The following SYNPO2 variants were observed in gnomAD, a reference collection of about 807,000 sequenced individuals.
SYNPO2 encodes synaptopodin-2.
A neutral mutation model predicts 85.0 loss-of-function variants in SYNPO2; 56 were observed. That is an observed-to-expected ratio of 0.66 (90% confidence interval 0.53 to 0.82). The LOEUF (loss-of-function observed/expected upper bound fraction) is 0.82. Among genes scored for constraint, SYNPO2 ranks in the 40% least tolerant of loss-of-function variants. The pLI, the probability that SYNPO2 is intolerant of heterozygous loss-of-function variation, is 0.00. For missense variants in SYNPO2, 1,575 were observed against 1,534.2 expected (o/e 1.03, Z -0.44); for synonymous variants, 602 against 591.1 (o/e 1.02, Z -0.27).
intron 1 of SYNPO2, among the ~76,000 whole-genome samples, chr4:119,012,413 G>A (rs1737353387): frequency 7.7e-6 from 1 of 129,924 alleles, no homozygotes; most frequent in South Asian, 2.4e-4. Context: ...TAAGTTCTGG[G>A]ATACATGTGC....
At chr4:119,009,036 A>G (rs530014383) in intron 1 of SYNPO2, among the ~76,000 whole-genome samples, 34 of 152,346 alleles carry the variant, frequency 2.2e-4, no homozygotes, top group African/African-American at 7.9e-4. Flanking sequence ...AGCATGTTAA[A>G]TTTTGTGATC....
intron 1 of SYNPO2, among the ~76,000 whole-genome samples, chr4:118,907,931 G>C (rs554042268): frequency 5.3e-5 from 8 of 152,102 alleles, no homozygotes; most frequent in African/African-American, 1.4e-4. Flanking sequence ...CATCATGGAC[G>C]TCTTTCCATG....
chr4:118,984,353 T>C (rs751108256), intron 1 of SYNPO2, among the ~76,000 whole-genome samples: 13 of 152,238 alleles, frequency 8.5e-5, no homozygotes, highest in Non-Finnish European at 1.6e-4. Flanking sequence ...AGTTTAAACA[T>C]TAGATATTAT....
At chr4:118,870,262 C>T (rs915686093) in intron 1 of SYNPO2, among the ~76,000 whole-genome samples, 11 of 152,230 alleles carry the variant, frequency 7.2e-5, no homozygotes, top group African/African-American at 2.4e-4. Context: ...CTTCCAGAAA[C>T]TCTCAGCTGT....
At chr4:119,041,855 T>C (rs1018734865) in intron 4 of SYNPO2, among the ~76,000 whole-genome samples, 1 of 152,228 alleles carries the variant, frequency 6.6e-6, no homozygotes, top group Non-Finnish European at 1.5e-5. Context: ...TTAGAGATTC[T>C]GATTTACTAG....
chr4:119,002,375 C>T (rs924553568), intron 1 of SYNPO2, among the ~76,000 whole-genome samples: 10 of 152,186 alleles, frequency 6.6e-5, no homozygotes, highest in African/African-American at 2.4e-4. Flanking sequence ...ATTCTCCTGC[C>T]TCAGCCTCCC....
At chr4:118,881,796 G>C (rs1256851902) in intron 1 of SYNPO2, among the ~76,000 whole-genome samples, 1 of 152,152 alleles carries the variant, frequency 6.6e-6, no homozygotes. Context: ...TCCCTCTTTG[G>C]AATGCTACCG....
At chr4:118,924,979 C>T (rs779934689) in intron 1 of SYNPO2, among the ~76,000 whole-genome samples, 26 of 152,168 alleles carry the variant, frequency 1.7e-4, no homozygotes, top group Non-Finnish European at 3.2e-4. Context: ...TATCACATCA[C>T]CTCCATGGCT....
chr4:119,026,905 C>T lies in SYNPO2; in HGVS notation c.536C>T (p.Ala179Val). The T allele has an allele frequency of 6.2e-7, 1 of 1,614,150 alleles. No homozygotes were observed. The highest frequency in any genetic ancestry group is 8.5e-7 in the Non-Finnish European group (1 of 1,180,024). The part of the protein sequence containing the change: ...QMPDSQRGRV[A>V]EELILREKVE... The stretch of plus-strand genomic sequence containing the variant: ...CCTGACTCCCAAAGAGGACGCGTGG[C>T]AGAAGAGCTGATCTTAAGGGAGAAG... The change falls in exon 3 of 5, where the codon GCA becomes GTA. Residue 179 changes from alanine (A) to valine (V), a missense_variant. Transcript: ENST00000307142.
chr4:119,044,101 C>A (rs1209133378), intron 4 of SYNPO2, among the ~76,000 whole-genome samples: 1 of 152,058 alleles, frequency 6.6e-6, no homozygotes, highest in Non-Finnish European at 1.5e-5. Flanking sequence ...TGATTAATGA[C>A]AGACTACAAC....
chr4:118,882,786 T>TC (rs1732129195), intron 1 of SYNPO2, among the ~76,000 whole-genome samples: 1 of 152,080 alleles, frequency 6.6e-6, no homozygotes, highest in Non-Finnish European at 1.5e-5. Context: ...TTTTTTTTTT[T>TC]TGAGACGGAG....
intron 1 of SYNPO2, among the ~76,000 whole-genome samples, chr4:118,901,738 C>T (rs573001399): frequency 6.6e-6 from 1 of 152,178 alleles, no homozygotes; most frequent in South Asian, 2.1e-4. Flanking sequence ...GACGAGAAAC[C>T]CTCCACCCTG....
intron 1 of SYNPO2, among the ~76,000 whole-genome samples, chr4:118,869,529 T>C (rs1731763873): frequency 6.6e-6 from 1 of 152,204 alleles, no homozygotes. Flanking sequence ...ATTTCATGCA[T>C]ATTCACTGAA....
intron 4 of SYNPO2, among the ~76,000 whole-genome samples, chr4:119,054,336 T>C (rs567173005): frequency 2.0e-5 from 3 of 152,182 alleles, no homozygotes; most frequent in African/African-American, 7.2e-5. Flanking sequence ...CTGCCCTTCA[T>C]CCGTGAGGGC....
chr4:119,054,860 A>AGAATTTGTCTGCCTC (rs1046302776), intron 4 of SYNPO2, among the ~76,000 whole-genome samples: 2 of 152,310 alleles, frequency 1.3e-5, no homozygotes, highest in East Asian at 3.9e-4. Context: ...CTGTCTGCCT[A>AGAATTTGTCTGCCTC]GAATTTGTCT....
At chr4:118,939,909 G>A (rs1734242198) in intron 1 of SYNPO2, among the ~76,000 whole-genome samples, 1 of 151,440 alleles carries the variant, frequency 6.6e-6, no homozygotes, top group Non-Finnish European at 1.5e-5. Context: ...TGAATGTGCT[G>A]GCTTGGCACT....
intron 1 of SYNPO2, among the ~76,000 whole-genome samples, chr4:118,920,194 G>A (rs949004594): frequency 7.9e-5 from 12 of 152,102 alleles, no homozygotes; most frequent in African/African-American, 2.7e-4. Context: ...ATATTTGAGC[G>A]GAATTTAGAG....
intron 4 of SYNPO2, chr4:119,038,159 C>G (rs912178838): frequency 1.5e-5 from 15 of 985,168 alleles, no homozygotes; most frequent in South Asian, 9.4e-5. Context: ...CTCATCAGAC[C>G]CCGGAATTTC....
At chr4:118,960,482 T>C (rs1237681532) in intron 1 of SYNPO2, among the ~76,000 whole-genome samples, 1 of 152,112 alleles carries the variant, frequency 6.6e-6, no homozygotes, top group East Asian at 1.9e-4. Context: ...AATTGTAAAA[T>C]TAGTTTCCTG....
Sources: gnomAD v4.1 joint callset for allele counts (sites outside exome capture counted in the v4.1 genomes callset) on GRCh38, gnomAD v4.1.1 for gene constraint, MANE v1.5 for transcripts, NCBI Gene and HGNC (gene_info 2026-07-23, HGNC 2026-07-21) for gene names.